PRRX1: variants seen among roughly 807,000 people sequenced by gnomAD.
PRRX1 encodes the protein paired mesoderm homeobox protein 1.
In PRRX1, 8 loss-of-function variants were observed where a neutral mutation model predicts 24.0. The observed-to-expected ratio is 0.33, with a 90% confidence interval of 0.20 to 0.60. The LOEUF (loss-of-function observed/expected upper bound fraction) is 0.60. Among genes scored for constraint, PRRX1 ranks in the 20% least tolerant of loss-of-function variants. PRRX1 has a pLI of 0.82. For missense variants in PRRX1, 281 were observed against 322.4 expected (o/e 0.87, Z 0.98); for synonymous variants, 160 against 131.7 (o/e 1.22, Z -1.47).
chr1:170,689,016 C>A (rs916129150), intron 1 of PRRX1, among the ~76,000 whole-genome samples: 10 of 152,136 alleles, frequency 6.6e-5, no homozygotes, highest in Middle Eastern at 3.4e-3. Flanking sequence ...ATTAACTGAG[C>A]TAAACATAGA....
rs529311603 is a variant in PRRX1 at position 170,716,223 on chromosome 1, C to G, written c.242-3503C>G. Among the ~76,000 whole-genome samples the G allele has an allele frequency of 4.6e-5, 7 of 152,226 alleles. No individual in the cohort carries two copies. The South Asian group carries it at 1.4e-3, about 32-fold the overall frequency. ...AATAACTACATATTTTCAGTTTACT[C>G]AATCATCAAAAAAATTATAAAATCC... is the stretch of plus-strand genomic sequence containing the variant. On this transcript the variant is annotated intron_variant, in intron 1 of 3. Transcript: ENST00000239461.
chr1:170,710,626 A>G (rs999675155), intron 1 of PRRX1, among the ~76,000 whole-genome samples: 2 of 152,220 alleles, frequency 1.3e-5, no homozygotes, highest in Non-Finnish European at 2.9e-5. Context: ...CATATATTGA[A>G]TCCGTAACCC....
rs1655602930 is a variant in PRRX1 at position 170,736,330 on chromosome 1, C to T, written c.*144C>T. ...CAGAACTAAAATATTGGGACCATGG[C>T]AGAGAAAAGCAGGAGAGGAGCAAAA... is the stretch of plus-strand genomic sequence containing the variant. On this transcript the variant is annotated 3_prime_UTR_variant, in exon 4 of 4. Coordinates refer to ENST00000239461, the MANE Select transcript of PRRX1 (RefSeq NM_022716.4). 2.6e-6 allele frequency: 3 copies of T among 1,154,582 alleles called. No individual in the cohort carries two copies. Among genetic ancestry groups the T allele is most frequent in the Non-Finnish European group, 1.2e-6 (1 of 810,468 alleles). The allele number at this position is 1,154,582 out of a possible 1,614,324, so 71.5% of individuals were successfully genotyped here. A position where few individuals can be genotyped will look rare whatever the true frequency, so the allele number is the denominator to read the frequency against.
chr1:170,705,820 G>A (rs1415759017), intron 1 of PRRX1, among the ~76,000 whole-genome samples: 1 of 151,918 alleles, frequency 6.6e-6, no homozygotes, highest in Non-Finnish European at 1.5e-5. Flanking sequence ...CTTCTCATGT[G>A]AGCAATTGAA....
intron 1 of PRRX1, among the ~76,000 whole-genome samples, chr1:170,719,477 C>T (rs535401515): frequency 6.6e-6 from 1 of 152,326 alleles, no homozygotes; most frequent in East Asian, 1.9e-4. Flanking sequence ...TAATGTCTCT[C>T]TGACAGTTCA....
chr1:170,716,492 G>A (rs1208174032), intron 1 of PRRX1, among the ~76,000 whole-genome samples: 1 of 151,848 alleles, frequency 6.6e-6, no homozygotes, highest in Non-Finnish European at 1.5e-5. Flanking sequence ...GCTGAGGCAG[G>A]AGAATGGTGT....
intron 1 of PRRX1, among the ~76,000 whole-genome samples, chr1:170,712,400 T>C (rs1324172255): frequency 1.3e-5 from 2 of 152,218 alleles, no homozygotes; most frequent in Non-Finnish European, 2.9e-5. Context: ...TTCCTAGTTC[T>C]GTTATGCTCT....
At chr1:170,676,299 C>G (rs928564937) in intron 1 of PRRX1, among the ~76,000 whole-genome samples, 1 of 151,622 alleles carries the variant, frequency 6.6e-6, no homozygotes, top group Non-Finnish European at 1.5e-5. Flanking sequence ...TCAGAATATA[C>G]GGACTGCTAT....
chr1:170,719,630 T>C lies in PRRX1; in HGVS notation c.242-96T>C, dbSNP rs772677680. On this transcript the variant is annotated intron_variant, in intron 1 of 3. Coordinates refer to ENST00000239461, the MANE Select transcript of PRRX1 (RefSeq NM_022716.4). ...GGACTTTGATAAAGATGTGAGCAAA[T>C]GAAGCAAGATCTCACTATAGATATA... The C allele has an allele frequency of 6.0e-5, 81 of 1,356,710 alleles. No homozygotes were observed. The Middle Eastern group carries it at 7.6e-4, about 13-fold the overall frequency. 84.0% of individuals were successfully genotyped at this position (1,356,710 alleles called of 1,614,324 possible).
intron 1 of PRRX1, among the ~76,000 whole-genome samples, chr1:170,717,164 A>G (rs945389997): frequency 6.6e-6 from 1 of 152,236 alleles, no homozygotes; most frequent in African/African-American, 2.4e-5. Context: ...GTTAAAAACA[A>G]CAAGAACATT....
At chr1:170,726,809 T>C (rs917635191) in intron 3 of PRRX1, 8 of 156,548 alleles carry the variant, frequency 5.1e-5, no homozygotes, top group African/African-American at 1.9e-4. Flanking sequence ...AAACTCCAAG[T>C]ATAGGGCCAA....
intron 3 of PRRX1, among the ~76,000 whole-genome samples, chr1:170,731,477 C>T (rs1036910459): frequency 6.6e-6 from 1 of 152,118 alleles, no homozygotes. Context: ...TTATTTTTTT[C>T]CCAAGCTATC....
intron 1 of PRRX1, among the ~76,000 whole-genome samples, chr1:170,696,626 G>A (rs1282827828): frequency 6.6e-6 from 1 of 152,092 alleles, no homozygotes; most frequent in East Asian, 1.9e-4. Context: ...TAAAAGGTAG[G>A]AAAACCTATA....
chr1:170,702,258 T>C (rs1654410721), intron 1 of PRRX1, among the ~76,000 whole-genome samples: 1 of 152,164 alleles, frequency 6.6e-6, no homozygotes, highest in South Asian at 2.1e-4. Flanking sequence ...CCACGGACTG[T>C]TACCGGTCCA....
At chr1:170,671,883 A>G (rs944539586) in intron 1 of PRRX1, among the ~76,000 whole-genome samples, 3 of 152,132 alleles carry the variant, frequency 2.0e-5, no homozygotes, top group African/African-American at 4.8e-5. Flanking sequence ...ACTTTTCTGC[A>G]TATGTACTTG....
At chr1:170,695,330 C>A (rs1181059340) in intron 1 of PRRX1, among the ~76,000 whole-genome samples, 1 of 152,136 alleles carries the variant, frequency 6.6e-6, no homozygotes, top group East Asian at 1.9e-4. Flanking sequence ...TTTCCCATAG[C>A]TGCATTATGG....
intron 1 of PRRX1, among the ~76,000 whole-genome samples, chr1:170,671,505 C>G (rs994229443): frequency 6.6e-6 from 1 of 152,260 alleles, no homozygotes; most frequent in African/African-American, 2.4e-5. Context: ...CAGACGCTTT[C>G]CTCCTTGCCT....
intron 2 of PRRX1, among the ~76,000 whole-genome samples, chr1:170,724,543 C>A (rs1655191373): frequency 6.6e-6 from 1 of 152,196 alleles, no homozygotes; most frequent in Non-Finnish European, 1.5e-5. Context: ...AATAGGGAAT[C>A]CTTTCCCCAT....
chr1:170,733,003 C>G (rs1655487417), intron 3 of PRRX1, among the ~76,000 whole-genome samples: 1 of 152,104 alleles, frequency 6.6e-6, no homozygotes, highest in Admixed American at 6.6e-5. Context: ...AAAAATGTGC[C>G]AGTGAATATC....
Sources: gnomAD v4.1 joint callset for allele counts (sites outside exome capture counted in the v4.1 genomes callset) on GRCh38, gnomAD v4.1.1 for gene constraint, MANE v1.5 for transcripts, NCBI Gene and HGNC (gene_info 2026-07-23, HGNC 2026-07-21) for gene names.